The following SLC22A11 variants were observed in gnomAD, a reference collection of about 807,000 sequenced individuals.
The protein encoded by SLC22A11 is solute carrier family 22 member 11.
In SLC22A11, 42 loss-of-function variants were observed where a neutral mutation model predicts 49.4. That is an observed-to-expected ratio of 0.85 (90% CI 0.66 to 1.10). SLC22A11 has a LOEUF of 1.10. SLC22A11 is among the 50% of genes least tolerant of loss of function. The pLI is 0.00. For missense variants in SLC22A11, 685 were observed against 731.6 expected (o/e 0.94, Z 0.74); for synonymous variants, 304 against 315.8 (o/e 0.96, Z 0.40).
chr11:64,565,570 G>A lies in SLC22A11; in HGVS notation c.1058+233G>A, dbSNP rs1208310516. 1.5e-5 allele frequency: 9 copies of A among 610,082 alleles called. No individual in the cohort carries two copies. The highest frequency in any genetic ancestry group is 6.4e-5 in the Admixed American group (3 of 46,930). 37.8% of individuals were successfully genotyped at this position (610,082 alleles called of 1,614,324 possible). On this transcript the variant is annotated intron_variant, in intron 6 of 9. Coordinates refer to ENST00000301891, the MANE Select transcript of SLC22A11 (RefSeq NM_018484.4). The surrounding 1 kb of genome is among the most constrained non-coding windows in gnomAD (Gnocchi z 4.1). ...GGCTGCCATCTGCAGGAAGCCAGAGGAAAAGGCAGCTCTAGGCTGGGGGTC... is the reference window on the plus strand; with the variant it reads ...GGCTGCCATCTGCAGGAAGCCAGAGAAAAAGGCAGCTCTAGGCTGGGGGTC...
chr11:64,569,802 C>T lies in SLC22A11; in HGVS notation c.1533C>T (p.Phe511=). The change falls in exon 9 of 10, where the codon TTC becomes TTT. Residue 511 remains phenylalanine, a synonymous_variant. Transcript: ENST00000301891. ...SIASSLVVLF[F]LPETQGLPLP... is the part of the protein sequence containing the mutation. ...CTTCCAGCCTGGTTGTGCTGTTCTT[C>T]CTCCCGGAGACCCAGGGACTTCCGC... is the stretch of plus-strand genomic sequence containing the variant. 6.2e-7 allele frequency: 1 copy of T among 1,614,086 alleles called. No individual in the cohort carries two copies. The highest frequency in any genetic ancestry group is 8.5e-7 in the Non-Finnish European group (1 of 1,180,040).
Position 64,562,024 on chromosome 11 carries a change from T to C in SLC22A11, c.518T>C (p.Leu173Pro). The change falls in exon 3 of 10, where the codon CTG becomes CCG. Residue 173 changes from leucine (L) to proline (P), a missense_variant. Coordinates refer to ENST00000301891, the MANE Select transcript of SLC22A11 (RefSeq NM_018484.4). This position sits in a 1 kb window ranked among gnomAD's most constrained non-coding sequence, Gnocchi z 4.4. ...GACAGGTTTGGGAGGAAGCCGATGC[T>C]GAGCTGGTGCTGCCTGCAGTTGGCC... is the stretch of plus-strand genomic sequence containing the variant. ...LSYRFGRKPM[L>P]SWCCLQLAVA... The C allele has an allele frequency of 1.9e-6, 3 of 1,613,506 alleles. No individual in the cohort carries two copies. The highest frequency in any genetic ancestry group is 1.1e-5 in the South Asian group (1 of 91,030).
chr11:64,557,183 C>A (rs1276229764), intron 1 of SLC22A11, among the ~76,000 whole-genome samples: 1 of 152,228 alleles, frequency 6.6e-6, no homozygotes, highest in Non-Finnish European at 1.5e-5. Flanking sequence ...ACAACCTCGC[C>A]ACAATCTTGT....
At chr11:64,566,489 A>ATTT (rs2038627964) in intron 6 of SLC22A11, 1 of 147,596 alleles carries the variant, frequency 6.8e-6, no homozygotes, top group African/African-American at 2.5e-5. Context: ...TTTTTTTTTA[A>ATTT]AAAAAAAAAA....
At position 64,562,321 on chromosome 11, in the gene SLC22A11, G is replaced by T; in HGVS notation, c.707G>T (p.Cys236Phe). 6.2e-7 allele frequency: 1 copy of T among 1,611,412 alleles called. No individual in the cohort carries two copies. Among genetic ancestry groups the T allele is most frequent in the Non-Finnish European group, 8.5e-7 (1 of 1,178,788 alleles). The stretch of plus-strand genomic sequence containing the variant: ...GCGGTCACCATGACGGTGGTGGGAT[G>T]TGCCTTCAGCGCAGGCCAGGCGGCG... ...RRAVTMTVVG[C>F]AFSAGQAALG... is the part of the protein sequence containing the mutation. The change falls in exon 4 of 10, where the codon TGT becomes TTT. Residue 236 changes from cysteine (C) to phenylalanine (F), a missense_variant. Physicochemically the swap from Cys to Phe is radical, Grantham distance 205. Coordinates refer to ENST00000301891, the MANE Select transcript of SLC22A11 (RefSeq NM_018484.4). The surrounding 1 kb of genome is among the most constrained non-coding windows in gnomAD (Gnocchi z 4.4).
At chr11:64,557,627 CTTTTT>C (rs766276214) in intron 1 of SLC22A11, among the ~76,000 whole-genome samples, 1 of 104,056 alleles carries the variant, frequency 9.6e-6, no homozygotes, top group Non-Finnish European at 1.8e-5. Flanking sequence ...TTTTCTTTCT[CTTTTT>C]TTTTTTTTTT....
Position 64,569,856 on chromosome 11 carries a change from C to A in SLC22A11, c.1587C>A (p.Ser529Arg), listed in dbSNP as rs200941789. The A allele has an allele frequency of 4.6e-5, 74 of 1,612,394 alleles. No individual in the cohort carries two copies. The highest frequency in any genetic ancestry group is 1.0e-4 in the Admixed American group (6 of 60,024). The change falls in exon 9 of 10, where the codon AGC (serine) becomes AGA (arginine). Residue 529 changes from serine (S) to arginine (R), a missense_variant and splice_region_variant. By Grantham distance (110) the Ser-to-Arg change is moderately radical. Transcript: ENST00000301891. ...PLPDTIQDLE[S>R]QKSTAAQGNR... ...CTGACACTATCCAGGACCTGGAGAG[C>A]CAGTGAGTGACCTGTGATCCCTGGG...
In SLC22A11 at chr11:64,571,258, C is replaced by G; in HGVS notation, c.*216C>G. 2 of 578,324 alleles carry G rather than the reference C, an allele frequency of 3.5e-6. No individual in the cohort carries two copies. Among genetic ancestry groups the G allele is most frequent in the East Asian group, 2.9e-5 (1 of 34,774 alleles). 35.8% of individuals were successfully genotyped at this position (578,324 alleles called of 1,614,324 possible). On this transcript the variant is annotated 3_prime_UTR_variant, in exon 10 of 10. Coordinates refer to ENST00000301891, the MANE Select transcript of SLC22A11 (RefSeq NM_018484.4). The stretch of plus-strand genomic sequence containing the variant: ...CTCCCTGCCCTGATCAGATTCCCCA[C>G]CTTACCCGGGCCCTACAGGAGCCTG...
chr11:64,568,663 T>C lies in SLC22A11; in HGVS notation c.1274-7T>C, dbSNP rs1439112723. The C allele has an allele frequency of 1.9e-6, 3 of 1,613,322 alleles. No homozygotes were observed. The highest frequency in any genetic ancestry group is 2.5e-6 in the Non-Finnish European group (3 of 1,179,354). ...AAACCCCACTCTCACCCCCTTCCTG[T>C]ACCCAGATTTGCAGACCCTGCGTGT... On this transcript the variant is annotated splice_region_variant and splice_polypyrimidine_tract_variant and intron_variant, in intron 7 of 9. Coordinates refer to ENST00000301891, the MANE Select transcript of SLC22A11 (RefSeq NM_018484.4).
In SLC22A11 at chr11:64,571,529, A is replaced by G. The variant is rs1272569921; in HGVS notation, c.*487A>G. 1.3e-5 allele frequency: 2 copies of G among 158,402 alleles called. No individual in the cohort carries two copies. Among genetic ancestry groups the G allele is most frequent in the Non-Finnish European group, 2.8e-5 (2 of 71,976 alleles). 9.8% of individuals were successfully genotyped at this position (158,402 alleles called of 1,614,324 possible). A position where few individuals can be genotyped will look rare whatever the true frequency, so the allele number is the denominator to read the frequency against. On this transcript the variant is annotated 3_prime_UTR_variant, in exon 10 of 10. Transcript: ENST00000301891. ...GAACCTGCTGAGAGAGCTGCCAGATACAGGTGTCCAGGTTGTGCACTGGCC... is the reference window on the plus strand; with the variant it reads ...GAACCTGCTGAGAGAGCTGCCAGATGCAGGTGTCCAGGTTGTGCACTGGCC...
In SLC22A11 at chr11:64,567,809, G is replaced by T; in HGVS notation, c.1269G>T (p.Pro423=). The T allele has an allele frequency of 1.3e-6, 2 of 1,585,772 alleles. No homozygotes were observed. Among genetic ancestry groups the T allele is most frequent in the East Asian group, 2.3e-5 (1 of 43,538 alleles). ...GLAILANMLV[P]QDLQTLRVVF... ...CCATTCTAGCCAACATGCTGGTGCC[G>T]CAAGGTGAGGCAGGCGGACTGGGCG... is the stretch of plus-strand genomic sequence containing the variant. Residue 423 remains proline, a synonymous_variant, in exon 7 of 10, where the codon CCG becomes CCT. Coordinates refer to ENST00000301891, the MANE Select transcript of SLC22A11 (RefSeq NM_018484.4).
chr11:64,563,457 C>T (rs933507046), intron 4 of SLC22A11, among the ~76,000 whole-genome samples: 1 of 151,896 alleles, frequency 6.6e-6, no homozygotes, highest in Non-Finnish European at 1.5e-5. Context: ...TCTTAGCTTC[C>T]CTGCAAACAG....
chr11:64,564,527 TCCACCAGCACCA>T lies in SLC22A11; in HGVS notation c.942+109_942+120del. On this transcript the variant is annotated intron_variant, in intron 5 of 9. Transcript: ENST00000301891. This position sits in a 1 kb window ranked among gnomAD's most constrained non-coding sequence, Gnocchi z 4.2. ...CAGCACCACCCACTCCAGCACCACC[TCCACCAGCACCA>T]CCACCAGCATCTCCACAGACACCAC... 1.4e-6 allele frequency: 2 copies of T among 1,436,166 alleles called. No individual in the cohort carries two copies. Among genetic ancestry groups the T allele is most frequent in the Non-Finnish European group, 1.9e-6 (2 of 1,047,984 alleles). The allele number at this position is 1,436,166 out of a possible 1,614,324, so 89.0% of individuals were successfully genotyped here. A position where few individuals can be genotyped will look rare whatever the true frequency, so the allele number is the denominator to read the frequency against.
chr11:64,559,732 T>C (rs749941459), intron 2 of SLC22A11, among the ~76,000 whole-genome samples: 1 of 152,052 alleles, frequency 6.6e-6, no homozygotes, highest in Non-Finnish European at 1.5e-5. Context: ...TGTCTGCTCT[T>C]CCCCAGCTTG....
At chr11:64,556,780 C>T (rs1442525926) in intron 1 of SLC22A11, among the ~76,000 whole-genome samples, 5 of 152,100 alleles carry the variant, frequency 3.3e-5, no homozygotes, top group East Asian at 1.9e-4. Context: ...GGGTGACACA[C>T]GTCACCCTAG....
Position 64,564,593 on chromosome 11 carries a change from ACAC to A in SLC22A11, c.942+183_942+185del, listed in dbSNP as rs372337351. 4.0e-5 allele frequency among the ~76,000 whole-genome samples: 6 copies of A among 150,494 alleles called. No homozygotes were observed. Among genetic ancestry groups the A allele is most frequent in the Non-Finnish European group, 4.4e-5 (3 of 67,562 alleles). The stretch of plus-strand genomic sequence containing the variant: ...CACCTCCATCACCACCTCCACACAG[ACAC>A]CACCACCACCACCACCAATCCCGAT... On this transcript the variant is annotated intron_variant, in intron 5 of 9. Coordinates refer to ENST00000301891, the MANE Select transcript of SLC22A11 (RefSeq NM_018484.4). This position sits in a 1 kb window ranked among gnomAD's most constrained non-coding sequence, Gnocchi z 4.2.
Position 64,572,151 on chromosome 11 carries a change from G to A in SLC22A11, c.*1109G>A, listed in dbSNP as rs1209776464. ...CACCTAATACTGAACCTTAACTTTC[G>A]GCTTTCAACCAAACGGCACCCTTTT... On this transcript the variant is annotated 3_prime_UTR_variant, in exon 10 of 10. Transcript: ENST00000301891. 3 of 152,258 alleles carry A rather than the reference G, an allele frequency of 2.0e-5. No individual in the cohort carries two copies. Among genetic ancestry groups the A allele is most frequent in the Non-Finnish European group, 2.9e-5 (2 of 68,062 alleles). 9.4% of individuals were successfully genotyped at this position (152,258 alleles called of 1,614,324 possible).
chr11:64,556,149 G>A lies in SLC22A11; in HGVS notation c.150G>A (p.Trp50Ter). ...FSAAIPGHRC[W>*]THMLDNGSAV... is the part of the protein sequence containing the mutation. Reference sequence around the variant, plus strand: ...CCGCCATCCCAGGCCACCGATGCTGGACACACATGCTGGACAATGGCTCTG... The same window carrying A: ...CCGCCATCCCAGGCCACCGATGCTGAACACACATGCTGGACAATGGCTCTG... The change falls in exon 1 of 10, where the codon TGG (tryptophan) becomes TGA (stop). Residue 50 changes from tryptophan (W) to a stop codon, truncating the protein, a stop_gained. Coordinates refer to ENST00000301891, the MANE Select transcript of SLC22A11 (RefSeq NM_018484.4). LOFTEE classifies it high-confidence loss of function. 6.2e-7 allele frequency: 1 copy of A among 1,614,188 alleles called. No homozygotes were observed. Among genetic ancestry groups the A allele is most frequent in the South Asian group, 1.1e-5 (1 of 91,080 alleles).
Position 64,565,557 on chromosome 11 carries a change from C to T in SLC22A11, c.1058+220C>T. Reference sequence around the variant, plus strand: ...GGTGGGATCTGGAGGCTGCCATCTGCAGGAAGCCAGAGGAAAAGGCAGCTC... The same window carrying T: ...GGTGGGATCTGGAGGCTGCCATCTGTAGGAAGCCAGAGGAAAAGGCAGCTC... On this transcript the variant is annotated intron_variant, in intron 6 of 9. Transcript: ENST00000301891. The surrounding 1 kb of genome is among the most constrained non-coding windows in gnomAD (Gnocchi z 4.1). The T allele has an allele frequency of 1.6e-6, 1 of 624,636 alleles. No individual in the cohort carries two copies. 38.7% of individuals were successfully genotyped at this position (624,636 alleles called of 1,614,324 possible).
Sources: allele counts gnomAD v4.1 joint callset (sites outside exome capture counted in the v4.1 genomes callset), GRCh38; gene constraint gnomAD v4.1.1; non-coding constraint Gnocchi (gnomAD v3.1); transcripts MANE v1.5; gene names NCBI Gene and HGNC (gene_info 2026-07-23, HGNC 2026-07-21).